Variants in NUP188 observed in about 807,000 individuals in gnomAD.
NUP188 encodes nucleoporin NUP188.
In NUP188, 97 loss-of-function variants were observed where a neutral mutation model predicts 223.0. That is an observed-to-expected ratio of 0.43 (90% CI 0.37 to 0.51). The LOEUF (loss-of-function observed/expected upper bound fraction) is 0.51, where lower values mean the gene tolerates loss of function less well. Ranked by LOEUF, NUP188 falls within the 20% of genes least tolerant of loss-of-function variation. The pLI, the probability that NUP188 is intolerant of heterozygous loss-of-function variation, is 0.00. For synonymous variants in NUP188, 869 were observed against 828.0 expected, an observed-to-expected ratio of 1.05 and a Z score of -0.85; for missense variants, 1,947 against 2,175.6, an observed-to-expected ratio of 0.89 and a Z score of 2.09.
rs777675689 is a variant in NUP188, at chr9:129,003,461, G to A, written c.4434+7G>A. On this transcript the variant is annotated splice_region_variant and intron_variant, in intron 38 of 43. Transcript: ENST00000372577. The stretch of plus-strand genomic sequence containing the variant: ...GCTCATGCGTGATATCCAGGTGGGG[G>A]CCCAAGATGGTGTCTTGGAGTCTGG... The A allele has an allele frequency of 6.2e-7, 1 of 1,608,060 alleles. No individual in the cohort carries two copies. Among genetic ancestry groups the A allele is most frequent in the East Asian group, 2.2e-5 (1 of 44,876 alleles).
chr9:129,005,707 C>T lies in NUP188; in HGVS notation c.4800C>T (p.Asp1600=). Residue 1600 remains aspartate, a synonymous_variant, in exon 41 of 44, where the codon GAC becomes GAT. Transcript: ENST00000372577. ...TGAGCTTTACCACTCCCACCTTTGA[C>T]TCCGAAGTGGCCCCCTCCTTCGGGA... The part of the protein sequence containing the change: ...FALSFTTPTF[D]SEVAPSFGTL... 2.5e-6 allele frequency: 4 copies of T among 1,614,130 alleles called. No individual in the cohort carries two copies. The highest frequency in any genetic ancestry group is 3.4e-6 in the Non-Finnish European group (4 of 1,179,984).
At position 129,006,654 on chromosome 9, in the gene NUP188, G is replaced by A. The variant is rs773212791; in HGVS notation, c.5226G>A (p.Ala1742=). The A allele has an allele frequency of 9.9e-6, 16 of 1,613,732 alleles. No individual in the cohort carries two copies. The highest frequency in any genetic ancestry group is 6.7e-5 in the Admixed American group (4 of 59,958). ...AGCCTCTGATCCAGTTGGTGCAGGC[G>A]TTTGTCCGGCATATGCAAAGATAGG... ...SQEPLIQLVQ[A]FVRHMQR is the part of the protein sequence containing the mutation. Residue 1742 remains alanine, a synonymous_variant, in exon 44 of 44, where the codon GCG becomes GCA. Transcript: ENST00000372577.
At position 128,984,124 on chromosome 9, in the gene NUP188, A is replaced by ATT. The variant is rs1193631566; in HGVS notation, c.1961+592_1961+593dup. On this transcript the variant is annotated intron_variant, in intron 19 of 43. Transcript: ENST00000372577. ...GGCGTGAGCCACCGCGCCTGGCCTG[A>ATT]TTTTTTTTTTTTTTTTTTTGAGATG... Among the ~76,000 whole-genome samples, 22 of 93,044 alleles carry ATT rather than the reference A, an allele frequency of 2.4e-4. 1 individual carries two copies. Among genetic ancestry groups the ATT allele is most frequent in the African/African-American group, 5.9e-4 (10 of 16,968 alleles). The allele number at this position is 93,044 out of a possible 152,430, so 61.0% of individuals were successfully genotyped here.
intron 11 of NUP188, among the ~76,000 whole-genome samples, chr9:128,972,410 G>C (rs1842116388): frequency 6.6e-6 from 1 of 152,224 alleles, no homozygotes; most frequent in Non-Finnish European, 1.5e-5. Flanking sequence ...ACATTAAAGA[G>C]AATAGTGGGT....
rs952776197 is a variant in NUP188 at position 128,998,087 on chromosome 9, T to A, written c.3352-64T>A. The A allele has an allele frequency of 9.8e-6, 11 of 1,127,756 alleles. No homozygotes were observed. In the African/African-American group the frequency reaches 1.7e-4, roughly 17 times the overall value. 69.9% of individuals were successfully genotyped at this position (1,127,756 alleles called of 1,614,324 possible). On this transcript the variant is annotated intron_variant, in intron 30 of 43. Transcript: ENST00000372577. ...ACTAATTGCCTAGCAGAGGACCCCA[T>A]GTTTCTTGGCCTCTAAAATCTGGAA...
intron 13 of NUP188, among the ~76,000 whole-genome samples, chr9:128,979,799 A>AT (rs1170533181): frequency 6.6e-6 from 1 of 151,940 alleles, no homozygotes; most frequent in Non-Finnish European, 1.5e-5. Flanking sequence ...TGCCTGGCTA[A>AT]TTTTTTGTAT....
intron 7 of NUP188, 33 bp downstream of exon 7, chr9:128,958,927 T>A: frequency 6.9e-7 from 1 of 1,454,234 alleles, no homozygotes; most frequent in Non-Finnish European, 9.4e-7. Flanking sequence ...CTTCTCTTTA[T>A]ACTGTATCAT....
chr9:128,973,445 C>T (rs909943321), intron 12 of NUP188, among the ~76,000 whole-genome samples, 196 bp downstream of exon 12: 7 of 152,012 alleles, frequency 4.6e-5, no homozygotes, highest in Non-Finnish European at 7.4e-5. Context: ...TGTGGTGGCA[C>T]GATCTTGGCT....
Position 128,993,615 on chromosome 9 carries a change from C to G in NUP188, c.2938C>G (p.Leu980Val), listed in dbSNP as rs767345847. The change falls in exon 27 of 44, where the codon CTG becomes GTG. Residue 980 changes from leucine to valine, a missense_variant. Around this residue, in one of 3 missense-constraint regions of NUP188, gnomAD observed 905 missense variants for 990.6 expected, o/e 0.91. Transcript: ENST00000372577. ...QQDRYWCPPL[L>V]HRAAIAFLHA... ...AGATCGATACTGGTGCCCACCCCTG[C>G]TGCATCGTGCCGCCATTGCCTTTTT... 1.2e-6 allele frequency: 2 copies of G among 1,614,104 alleles called. No individual in the cohort carries two copies. Among genetic ancestry groups the G allele is most frequent in the South Asian group, 2.2e-5 (2 of 91,094 alleles).
intron 34 of NUP188, 33 bp downstream of exon 34, chr9:128,999,838 T>C: frequency 6.2e-7 from 1 of 1,601,222 alleles, no homozygotes; most frequent in Non-Finnish European, 8.6e-7. Context: ...CATCCGTCCT[T>C]TCCACTGCCC....
rs1842270680 is a variant in NUP188 at position 128,982,530 on chromosome 9, A to G, written c.1517-19A>G. 1.3e-6 allele frequency: 2 copies of G among 1,598,810 alleles called. No individual in the cohort carries two copies. Among genetic ancestry groups the G allele is most frequent in the Admixed American group, 3.5e-5 (2 of 56,604 alleles). ...TTATTTATCCTCAGATATTAGACTA[A>G]TTTATCTTTCTCTCTCAGGGGGTCA... On this transcript the variant is annotated intron_variant, in intron 15 of 43. Transcript: ENST00000372577.
At position 129,001,741 on chromosome 9, in the gene NUP188, G is replaced by C. The variant is rs751120723; in HGVS notation, c.4044+12G>C. On this transcript the variant is annotated intron_variant, in intron 35 of 43. Coordinates refer to ENST00000372577, the MANE Select transcript of NUP188 (RefSeq NM_015354.3). ...CTCGCACTCAGCAGGTAGGAGGCCAGCCCGAAGGCAGGAGGGAGCGTCCTT... is the reference window on the plus strand; with the variant it reads ...CTCGCACTCAGCAGGTAGGAGGCCACCCCGAAGGCAGGAGGGAGCGTCCTT... 6.2e-7 allele frequency: 1 copy of C among 1,612,072 alleles called. No individual in the cohort carries two copies. Among genetic ancestry groups the C allele is most frequent in the African/African-American group, 1.3e-5 (1 of 74,894 alleles).
In NUP188 at chr9:128,956,376, C is replaced by G. The variant is rs1432562414; in HGVS notation, c.188C>G (p.Ala63Gly). ...CCAAGTTCAGCTGAAAAAGTGAAAG[C>G]TAATAAAGATGTAGCTTCACCATTG... ...PSPSSAEKVKANKDVASPLKE... is the reference protein window; with the variant it reads ...PSPSSAEKVKGNKDVASPLKE... The change falls in exon 4 of 44, where the codon GCT becomes GGT. Residue 63 changes from alanine to glycine, a missense_variant. Physicochemically the swap from Ala to Gly is moderately conservative, Grantham distance 60 (BLOSUM62 0). Transcript: ENST00000372577. 1.1e-5 allele frequency: 17 copies of G among 1,575,510 alleles called. No individual in the cohort carries two copies. The highest frequency in any genetic ancestry group is 1.4e-5 in the Non-Finnish European group (16 of 1,164,142).
Position 128,956,904 on chromosome 9 carries a change from T to C in NUP188, c.247-48T>C, listed in dbSNP as rs1030152868. 3.9e-6 allele frequency: 5 copies of C among 1,284,954 alleles called. No homozygotes were observed. The African/African-American group carries it at 5.9e-5, about 15-fold the overall frequency. The allele number at this position is 1,284,954 out of a possible 1,614,324, so 79.6% of individuals were successfully genotyped here. On this transcript the variant is annotated intron_variant, in intron 4 of 43. Transcript: ENST00000372577. ...ACAAATCTTTAAATTCTCTGCATCC[T>C]GTGTGCGATTTCTGAGCTGTTCCTT...
intron 12 of NUP188, among the ~76,000 whole-genome samples, chr9:128,977,972 TC>T (rs1416398734): frequency 6.6e-6 from 1 of 152,134 alleles, no homozygotes; most frequent in Non-Finnish European, 1.5e-5. Context: ...GAAATTACTG[TC>T]CCCATTTTAC....
In NUP188 at chr9:128,995,396, A is replaced by G. The variant is rs1842505194; in HGVS notation, c.3233A>G (p.Tyr1078Cys). Residue 1078 changes from tyrosine (Y) to cysteine (C), a missense_variant, in exon 30 of 44, where the codon TAT becomes TGT. This residue lies in a region of NUP188 where 905 missense variants were observed against 990.6 expected (regional missense o/e 0.91). Transcript: ENST00000372577. ...IEKRFAYWSG[Y>C]VKSLAVHVAE... The stretch of plus-strand genomic sequence containing the variant: ...AAACGCTTTGCCTACTGGTCAGGGT[A>G]TGTCAAGTCATTGGCAGTTCACGTG... 1.9e-6 allele frequency: 3 copies of G among 1,614,110 alleles called. No homozygotes were observed. Among genetic ancestry groups the G allele is most frequent in the Non-Finnish European group, 1.7e-6 (2 of 1,179,954 alleles).
At chr9:128,994,531 C>T (rs1842485783) in intron 28 of NUP188, 89 bp downstream of exon 28, 2 of 859,862 alleles carry the variant, frequency 2.3e-6, no homozygotes, top group Non-Finnish European at 3.9e-6. Context: ...ACAATGATAC[C>T]TCCCCTAATT....
chr9:128,959,435 C>T (rs1050618800), intron 8 of NUP188, among the ~76,000 whole-genome samples: 1 of 151,760 alleles, frequency 6.6e-6, no homozygotes, highest in Non-Finnish European at 1.5e-5. Flanking sequence ...AGCGACTACA[C>T]CTGGCCTATA....
chr9:128,962,529 G>A (rs138141015), intron 8 of NUP188, among the ~76,000 whole-genome samples: 57 of 152,178 alleles, frequency 3.7e-4, no homozygotes, highest in African/African-American at 1.1e-3. Context: ...GACTACAGGC[G>A]TGAGCCACTG....
Sources: allele counts gnomAD v4.1 joint callset (sites outside exome capture counted in the v4.1 genomes callset), GRCh38; gene constraint gnomAD v4.1.1; regional missense constraint gnomAD v4.1.1; transcripts MANE v1.5; gene names NCBI Gene and HGNC (gene_info 2026-07-23, HGNC 2026-07-21).